RHOJ: variants seen among roughly 807,000 people sequenced by gnomAD.
The protein encoded by RHOJ is rho-related GTP-binding protein RhoJ.
Under a neutral mutation model 23.4 loss-of-function variants are expected in RHOJ, and 11 were observed. The observed-to-expected ratio is 0.47, with a 90% confidence interval of 0.30 to 0.78. RHOJ has a LOEUF of 0.78. Among genes scored for constraint, RHOJ ranks in the 30% least tolerant of loss-of-function variants. RHOJ has a pLI of 0.08. For synonymous variants in RHOJ, 102 were observed against 102.7 expected (o/e 0.99, Z 0.04); for missense variants, 254 against 273.4 (o/e 0.93, Z 0.50).
intron 1 of RHOJ, among the ~76,000 whole-genome samples, chr14:63,246,970 TC>T (rs1417621214): frequency 6.6e-6 from 1 of 152,166 alleles, no homozygotes; most frequent in African/African-American, 2.4e-5. Flanking sequence ...AATTCATTAA[TC>T]CATTTTAACT....
chr14:63,244,412 C>CA (rs10685300), intron 1 of RHOJ, among the ~76,000 whole-genome samples: 32,469 of 131,218 alleles, frequency 0.25, 3,878 homozygotes, highest in East Asian at 0.51. Context: ...ACTAAAAATA[C>CA]AAAAAAAAAA....
intron 1 of RHOJ, among the ~76,000 whole-genome samples, chr14:63,235,478 G>A (rs1487227666): frequency 1.3e-5 from 2 of 152,096 alleles, no homozygotes; most frequent in African/African-American, 4.8e-5. Context: ...AGTATTTATA[G>A]GTAAAATGTC....
intron 1 of RHOJ, among the ~76,000 whole-genome samples, chr14:63,244,976 T>C (rs1447562132): frequency 6.6e-6 from 1 of 152,226 alleles, no homozygotes; most frequent in East Asian, 1.9e-4. Context: ...GAAAACTGTA[T>C]GAGCTTTGGA....
rs114757179 is a variant in RHOJ at position 63,209,122 on chromosome 14, G to A, written c.178+4075G>A. ...ATCCCAAACCTGATCACTTATCACC[G>A]TCTTCATTGCCTTCATTCTTGTCCA... is the stretch of plus-strand genomic sequence containing the variant. On this transcript the variant is annotated intron_variant, in intron 1 of 4. Coordinates refer to ENST00000316754, the MANE Select transcript of RHOJ (RefSeq NM_020663.5). Among the ~76,000 whole-genome samples the A allele has an allele frequency of 5.4e-3, 815 of 151,960 alleles. 3 individuals carry two copies. Among genetic ancestry groups the A allele is most frequent in the African/African-American group, 0.019 (767 of 41,434 alleles).
At chr14:63,275,850 G>A (rs1272799767) in intron 2 of RHOJ, among the ~76,000 whole-genome samples, 4 of 152,232 alleles carry the variant, frequency 2.6e-5, no homozygotes, top group African/African-American at 9.6e-5. Context: ...GCCAAAGCAT[G>A]CTCCCTTGTG....
chr14:63,259,807 A>G (rs1895241758), intron 1 of RHOJ, among the ~76,000 whole-genome samples: 2 of 152,196 alleles, frequency 1.3e-5, no homozygotes, highest in Admixed American at 6.5e-5. Context: ...AAAAGAACCT[A>G]TGTTTCGTTA....
At chr14:63,248,077 T>C (rs568299656) in intron 1 of RHOJ, among the ~76,000 whole-genome samples, 3 of 152,318 alleles carry the variant, frequency 2.0e-5, no homozygotes, top group African/African-American at 7.2e-5. Flanking sequence ...TTGTGGGAGC[T>C]ACAGTTCAAG....
chr14:63,234,749 T>C (rs1317198496), intron 1 of RHOJ, among the ~76,000 whole-genome samples: 3 of 152,192 alleles, frequency 2.0e-5, no homozygotes, highest in African/African-American at 7.2e-5. Flanking sequence ...AAAAAATATA[T>C]ATAAATTTGT....
chr14:63,264,856 AAGTT>A (rs1413595327), intron 1 of RHOJ, among the ~76,000 whole-genome samples: 1 of 152,036 alleles, frequency 6.6e-6, no homozygotes, highest in East Asian at 1.9e-4. Context: ...CTTTATTAAA[AAGTT>A]TTTTGGTTTT....
At chr14:63,253,906 G>A (rs1338021812) in intron 1 of RHOJ, among the ~76,000 whole-genome samples, 1 of 152,168 alleles carries the variant, frequency 6.6e-6, no homozygotes, top group Non-Finnish European at 1.5e-5. Flanking sequence ...AACGTAACTA[G>A]CAGGTATGTT....
At chr14:63,205,317 T>C (rs1395319267) in intron 1 of RHOJ, among the ~76,000 whole-genome samples, 1 of 152,192 alleles carries the variant, frequency 6.6e-6, no homozygotes, top group Non-Finnish European at 1.5e-5. Context: ...GGCCAGAGCT[T>C]TTACTCAACA....
chr14:63,204,970 A>G lies in RHOJ; in HGVS notation c.101A>G (p.Lys34Arg). The G allele has an allele frequency of 6.2e-7, 1 of 1,614,194 alleles. No individual in the cohort carries two copies. The highest frequency in any genetic ancestry group is 8.5e-7 in the Non-Finnish European group (1 of 1,180,050). Residue 34 changes from lysine to arginine, a missense_variant, in exon 1 of 5, where the codon AAA becomes AGA. Lys to Arg is a conservative substitution (Grantham distance 26). Coordinates refer to ENST00000316754, the MANE Select transcript of RHOJ (RefSeq NM_020663.5). ...GTGGTGGGGGACGGTGCCGTGGGGA[A>G]AACCTGCCTGCTGATGAGCTACGCC... ...CVVVGDGAVG[K>R]TCLLMSYAND...
chr14:63,243,528 C>T (rs375046954), intron 1 of RHOJ, among the ~76,000 whole-genome samples: 3 of 152,160 alleles, frequency 2.0e-5, no homozygotes, highest in East Asian at 3.9e-4. Flanking sequence ...TTAGTAGAGA[C>T]GGGGTTTCCC....
At chr14:63,217,921 C>G (rs530394273) in intron 1 of RHOJ, among the ~76,000 whole-genome samples, 1 of 152,262 alleles carries the variant, frequency 6.6e-6, no homozygotes, top group Non-Finnish European at 1.5e-5. Context: ...TACTTGCAGG[C>G]CTAACAGGAT....
intron 1 of RHOJ, among the ~76,000 whole-genome samples, chr14:63,216,826 T>C (rs1237379319): frequency 1.3e-5 from 2 of 152,250 alleles, no homozygotes; most frequent in African/African-American, 4.8e-5. Context: ...TTCATTCATT[T>C]AGCCTCTTAA....
At chr14:63,277,287 A>C (rs746443564) in intron 2 of RHOJ, among the ~76,000 whole-genome samples, 4 of 152,212 alleles carry the variant, frequency 2.6e-5, no homozygotes, top group Non-Finnish European at 4.4e-5. Flanking sequence ...GAGAACATAC[A>C]TAAGAGTTTG....
intron 1 of RHOJ, among the ~76,000 whole-genome samples, chr14:63,224,046 G>C (rs188532623): frequency 6.6e-6 from 1 of 152,198 alleles, no homozygotes; most frequent in African/African-American, 2.4e-5. Flanking sequence ...CTAATCCTTT[G>C]CTAGCCAAAC....
chr14:63,220,826 C>T (rs1161927617), intron 1 of RHOJ, among the ~76,000 whole-genome samples: 1 of 152,180 alleles, frequency 6.6e-6, no homozygotes, highest in Non-Finnish European at 1.5e-5. Context: ...AACTTGACTT[C>T]CCAAACTCCT....
At chr14:63,267,533 C>G (rs1009908045) in intron 1 of RHOJ, among the ~76,000 whole-genome samples, 5 of 152,212 alleles carry the variant, frequency 3.3e-5, no homozygotes, top group African/African-American at 2.4e-5. Context: ...GGATGTCTCC[C>G]TTCATGCCTA....
Sources: gnomAD v4.1 joint callset for allele counts (sites outside exome capture counted in the v4.1 genomes callset) on GRCh38, gnomAD v4.1.1 for gene constraint, MANE v1.5 for transcripts, NCBI Gene and HGNC (gene_info 2026-07-23, HGNC 2026-07-21) for gene names.